The following SLIT2 variants were observed in gnomAD, a reference collection of about 807,000 sequenced individuals.
SLIT2 encodes slit homolog 2 protein.
SLIT2 carries 41 observed loss-of-function variants against 185.7 expected under a neutral mutation model. The ratio of observed to expected loss-of-function variants is 0.22; its 90% CI spans 0.17 to 0.29. The LOEUF (loss-of-function observed/expected upper bound fraction) is 0.29, where lower values mean the gene tolerates loss of function less well. SLIT2 is among the 10% of genes least tolerant of loss of function. The pLI, the probability that SLIT2 is intolerant of heterozygous loss-of-function variation, is 1.00. For synonymous variants in SLIT2, 693 were observed against 680.2 expected (o/e 1.02, Z -0.29); for missense variants, 1,571 against 1,909.0 (o/e 0.82, Z 3.30).
In SLIT2 at chr4:20,596,465, C is replaced by A. The variant is rs753990008; in HGVS notation, c.3371C>A (p.Pro1124His). 12 of 1,613,832 alleles carry A rather than the reference C, an allele frequency of 7.4e-6. No individual in the cohort carries two copies. The highest frequency in any genetic ancestry group is 1.3e-5 in the African/African-American group (1 of 74,834). ...SPPMVLPRTSPCDNFDCQNGA... is the reference protein window; with the variant it reads ...SPPMVLPRTSHCDNFDCQNGA... Reference sequence around the variant, plus strand: ...CCCATGGTCCTCCCTCGTACCAGCCCCTGTGATAATTTTGATTGTCAGAAT... The same window carrying A: ...CCCATGGTCCTCCCTCGTACCAGCCACTGTGATAATTTTGATTGTCAGAAT... The change falls in exon 32 of 37, where the codon CCC becomes CAC. Residue 1124 changes from proline to histidine, a missense_variant. Coordinates refer to ENST00000504154, the MANE Select transcript of SLIT2 (RefSeq NM_004787.4).
intron 29 of SLIT2, among the ~76,000 whole-genome samples, chr4:20,586,331 G>T (rs946191222): frequency 1.3e-5 from 2 of 152,074 alleles, no homozygotes; most frequent in Non-Finnish European, 2.9e-5. Context: ...ATCTCTAAAG[G>T]CTAGAATGAA....
intron 4 of SLIT2, among the ~76,000 whole-genome samples, chr4:20,382,684 A>G (rs899962541): frequency 3.3e-5 from 5 of 152,136 alleles, no homozygotes; most frequent in East Asian, 1.9e-4. Context: ...AATATAGCAT[A>G]CTATGAGTTG....
intron 4 of SLIT2, among the ~76,000 whole-genome samples, chr4:20,408,094 AG>A (rs1402494251): frequency 6.6e-6 from 1 of 152,182 alleles, no homozygotes; most frequent in African/African-American, 2.4e-5. Context: ...TAAATTATAA[AG>A]TTCCATACAA....
At chr4:20,346,832 C>T (rs144045648) in intron 4 of SLIT2, among the ~76,000 whole-genome samples, 46 of 152,244 alleles carry the variant, frequency 3.0e-4, no homozygotes, top group African/African-American at 4.3e-4. Flanking sequence ...GCATCCAGAA[C>T]GGGAGAAAGA....
chr4:20,446,527 T>G (rs1320202314), intron 4 of SLIT2, among the ~76,000 whole-genome samples: 3 of 152,224 alleles, frequency 2.0e-5, no homozygotes, highest in East Asian at 3.8e-4. Flanking sequence ...AAATCAGTAT[T>G]TGAGACTAAC....
chr4:20,460,214 G>A (rs958582784), intron 4 of SLIT2, among the ~76,000 whole-genome samples: 2 of 151,690 alleles, frequency 1.3e-5, no homozygotes, highest in Admixed American at 6.6e-5. Context: ...AACATTTGGC[G>A]ATGGTGTACC....
intron 4 of SLIT2, among the ~76,000 whole-genome samples, chr4:20,398,752 G>A (rs1332736319): frequency 6.6e-6 from 1 of 151,382 alleles, no homozygotes. Flanking sequence ...GCTTATGTGT[G>A]GATTATAGTG....
intron 4 of SLIT2, among the ~76,000 whole-genome samples, chr4:20,449,986 A>C (rs971497731): frequency 6.6e-6 from 1 of 152,174 alleles, no homozygotes; most frequent in Non-Finnish European, 1.5e-5. Flanking sequence ...ATTACTGAAA[A>C]CATTATTTAA....
chr4:20,523,483 A>C (rs577983684), intron 12 of SLIT2, among the ~76,000 whole-genome samples: 1 of 152,188 alleles, frequency 6.6e-6, no homozygotes. Context: ...TTTGTGTACT[A>C]TCCCACCTTT....
intron 26 of SLIT2, among the ~76,000 whole-genome samples, chr4:20,554,844 A>G (rs1400858908): frequency 1.3e-5 from 2 of 151,704 alleles, no homozygotes; most frequent in Non-Finnish European, 2.9e-5. Flanking sequence ...GCTCACTGCA[A>G]CCTCCACCTC....
intron 4 of SLIT2, among the ~76,000 whole-genome samples, chr4:20,393,947 T>A (rs1296347941): frequency 6.6e-6 from 1 of 152,048 alleles, no homozygotes; most frequent in African/African-American, 2.4e-5. Context: ...GCTGAATCAA[T>A]CACGTCCTGT....
chr4:20,462,606 C>T (rs775384962), intron 4 of SLIT2, among the ~76,000 whole-genome samples: 1 of 152,160 alleles, frequency 6.6e-6, no homozygotes, highest in African/African-American at 2.4e-5. Context: ...TCACTGGTGA[C>T]CCACTGACTC....
chr4:20,425,468 T>C (rs1307921047), intron 4 of SLIT2, among the ~76,000 whole-genome samples: 1 of 152,170 alleles, frequency 6.6e-6, no homozygotes, highest in African/African-American at 2.4e-5. Context: ...ATGGCTATTA[T>C]TTATATGAAT....
At chr4:20,272,829 A>G (rs1713772298) in intron 4 of SLIT2, among the ~76,000 whole-genome samples, 1 of 151,856 alleles carries the variant, frequency 6.6e-6, no homozygotes, top group East Asian at 1.9e-4. Flanking sequence ...TTTGAATGAA[A>G]ACTTTTTACT....
chr4:20,295,085 A>G (rs769764445), intron 4 of SLIT2, among the ~76,000 whole-genome samples: 1 of 152,230 alleles, frequency 6.6e-6, no homozygotes, highest in Non-Finnish European at 1.5e-5. Flanking sequence ...TCCAAGGCTC[A>G]TGTCAAGGGT....
intron 4 of SLIT2, among the ~76,000 whole-genome samples, chr4:20,322,087 G>T (rs74751766): frequency 4.5e-4 from 68 of 152,242 alleles, no homozygotes; most frequent in African/African-American, 1.5e-3. Context: ...ATCCTACTCA[G>T]TACAGGCCAG....
At chr4:20,539,712 T>C in intron 19 of SLIT2, 128 bp downstream of exon 19, 1 of 527,642 alleles carries the variant, frequency 1.9e-6, no homozygotes, top group South Asian at 6.6e-5. Flanking sequence ...AAGGACAAAC[T>C]TGTTCACATC....
chr4:20,420,566 A>G (rs1354400615), intron 4 of SLIT2, among the ~76,000 whole-genome samples: 2 of 152,120 alleles, frequency 1.3e-5, no homozygotes, highest in Non-Finnish European at 2.9e-5. Context: ...CCTAGGAACT[A>G]GAGGCCATAG....
chr4:20,592,523 A>G (rs544141436), intron 30 of SLIT2, among the ~76,000 whole-genome samples: 1 of 152,326 alleles, frequency 6.6e-6, no homozygotes, highest in East Asian at 1.9e-4. Context: ...AATGTTGGAC[A>G]TAATGTAACT....
Sources: allele counts gnomAD v4.1 joint callset (sites outside exome capture counted in the v4.1 genomes callset), GRCh38; gene constraint gnomAD v4.1.1; transcripts MANE v1.5; gene names NCBI Gene and HGNC (gene_info 2026-07-23, HGNC 2026-07-21).